COL22A1: variants seen among roughly 807,000 people sequenced by gnomAD.
COL22A1 encodes the protein collagen alpha-1(XXII) chain.
COL22A1 carries 221 observed loss-of-function variants against 248.9 expected under a neutral mutation model. The ratio of observed to expected loss-of-function variants is 0.89; its 90% CI spans 0.80 to 0.99. The LOEUF (loss-of-function observed/expected upper bound fraction) is 0.99. Among genes scored for constraint, COL22A1 ranks in the 50% least tolerant of loss-of-function variants. COL22A1 has a pLI of 0.00. For synonymous variants in COL22A1, 891 were observed against 793.4 expected, an observed-to-expected ratio of 1.12 and a Z score of -2.07; for missense variants, 2,240 against 2,179.0, an observed-to-expected ratio of 1.03 and a Z score of -0.56.
intron 49 of COL22A1, among the ~76,000 whole-genome samples, chr8:138,633,161 G>A (rs562786525): frequency 3.9e-4 from 59 of 152,368 alleles, no homozygotes; most frequent in African/African-American, 1.3e-3. Context: ...ATTTTCTGCT[G>A]TGGAGTTGCT....
At chr8:138,601,000 T>C (rs1281498624) in intron 60 of COL22A1, among the ~76,000 whole-genome samples, 1 of 152,142 alleles carries the variant, frequency 6.6e-6, no homozygotes, top group African/African-American at 2.4e-5. Context: ...GTCTAATGGC[T>C]CCCTGGCAAT....
At chr8:138,651,012 G>A (rs1483781498) in intron 45 of COL22A1, among the ~76,000 whole-genome samples, 1 of 152,176 alleles carries the variant, frequency 6.6e-6, no homozygotes, top group African/African-American at 2.4e-5. Flanking sequence ...AGTCCATGAG[G>A]TGAAGCTGCA....
intron 5 of COL22A1, among the ~76,000 whole-genome samples, chr8:138,827,858 C>T (rs1446450887): frequency 2.6e-5 from 4 of 151,906 alleles, no homozygotes; most frequent in Admixed American, 1.3e-4. Flanking sequence ...CACAGAACCC[C>T]GCCACCCCCA....
chr8:138,889,820 C>T (rs1824922486), intron 1 of COL22A1, among the ~76,000 whole-genome samples: 1 of 152,122 alleles, frequency 6.6e-6, no homozygotes, highest in Admixed American at 6.6e-5. Context: ...TTTTCCCAGG[C>T]TCTAGAAATT....
At chr8:138,604,886 A>G in intron 58 of COL22A1, 117 bp from the exon 59 acceptor site, 1 of 940,972 alleles carries the variant, frequency 1.1e-6, no homozygotes, top group Admixed American at 2.0e-5. Context: ...ACAACAATCG[A>G]TGGTCTACCT....
chr8:138,660,899 A>T (rs200437584), intron 43 of COL22A1, among the ~76,000 whole-genome samples: 1 of 32,098 alleles, frequency 3.1e-5, no homozygotes, highest in Non-Finnish European at 1.1e-4. Context: ...CAGACACACA[A>T]ACACACACAT....
intron 22 of COL22A1, among the ~76,000 whole-genome samples, chr8:138,739,688 T>A (rs77431252): frequency 3.9e-5 from 6 of 152,296 alleles, no homozygotes; most frequent in Admixed American, 1.3e-4. Flanking sequence ...GAATAAATCA[T>A]CCCTTTGAGA....
At chr8:138,689,720 A>G (rs1826671550) in intron 36 of COL22A1, among the ~76,000 whole-genome samples, 1 of 152,186 alleles carries the variant, frequency 6.6e-6, no homozygotes, top group Admixed American at 6.5e-5. Context: ...ACCTCAAAAA[A>G]TAAAAATAAA....
At chr8:138,903,869 C>T (rs972938981) in intron 1 of COL22A1, among the ~76,000 whole-genome samples, 5 of 152,108 alleles carry the variant, frequency 3.3e-5, no homozygotes, top group Admixed American at 6.5e-5. Flanking sequence ...AAGAGGCGCA[C>T]GTCTGCTGGA....
chr8:138,640,856 C>G (rs562230596), intron 47 of COL22A1, among the ~76,000 whole-genome samples: 1 of 152,262 alleles, frequency 6.6e-6, no homozygotes, highest in South Asian at 2.1e-4. Context: ...AATAAATGCC[C>G]AAGTCCTATA....
At chr8:138,751,290 G>A (rs1832578553) in intron 22 of COL22A1, among the ~76,000 whole-genome samples, 168 bp downstream of exon 22, 1 of 152,150 alleles carries the variant, frequency 6.6e-6, no homozygotes, top group Non-Finnish European at 1.5e-5. Context: ...AGAACACATA[G>A]TAGAACCTCA....
intron 10 of COL22A1, among the ~76,000 whole-genome samples, chr8:138,807,134 A>G (rs983233758): frequency 6.6e-6 from 1 of 152,216 alleles, no homozygotes; most frequent in African/African-American, 2.4e-5. Flanking sequence ...ACAGTGACAC[A>G]TAAAGAGAGG....
At position 138,748,066 on chromosome 8, in the gene COL22A1, G is replaced by A. The variant is rs1280920636; in HGVS notation, c.2085+3392C>T. On this transcript the variant is annotated intron_variant, in intron 22 of 64. Coordinates refer to ENST00000303045, the MANE Select transcript of COL22A1 (RefSeq NM_152888.3). ...AGAGGCAGGATGCCTTCTCAAGGGG[G>A]CACTTCCCATATCCAAAACACTGAT... Among the ~76,000 whole-genome samples the A allele has an allele frequency of 2.6e-5, 4 of 152,148 alleles. No homozygotes were observed. In the East Asian group the frequency reaches 7.7e-4, roughly 29 times the overall value.
chr8:138,797,325 A>T (rs1173498072), intron 11 of COL22A1, among the ~76,000 whole-genome samples: 1 of 152,150 alleles, frequency 6.6e-6, no homozygotes, highest in Non-Finnish European at 1.5e-5. Context: ...TCTTCTGTAC[A>T]TTTTTTATAT....
intron 39 of COL22A1, among the ~76,000 whole-genome samples, chr8:138,683,651 T>A (rs1341738818): frequency 6.6e-6 from 1 of 152,126 alleles, no homozygotes; most frequent in African/African-American, 2.4e-5. Flanking sequence ...AAGAATTTGG[T>A]AGAAGATTCT....
intron 12 of COL22A1, among the ~76,000 whole-genome samples, chr8:138,795,932 C>A (rs986782743): frequency 3.9e-5 from 6 of 152,086 alleles, no homozygotes; most frequent in African/African-American, 1.4e-4. Flanking sequence ...AATGTGACCC[C>A]CTCTGAGCGA....
intron 5 of COL22A1, among the ~76,000 whole-genome samples, chr8:138,830,146 T>C (rs886921463): frequency 6.6e-6 from 1 of 152,170 alleles, no homozygotes; most frequent in African/African-American, 2.4e-5. Context: ...GAAGGGTAAA[T>C]GGTGTGTAAT....
At chr8:138,749,342 A>G (rs78634247) in intron 22 of COL22A1, among the ~76,000 whole-genome samples, 2,880 of 152,298 alleles carry the variant, frequency 0.019, 93 homozygotes, top group African/African-American at 0.064. Context: ...AGTAAATTAG[A>G]TAAAGATGTA....
At chr8:138,665,975 T>C (rs1824470702) in intron 41 of COL22A1, among the ~76,000 whole-genome samples, 1 of 151,520 alleles carries the variant, frequency 6.6e-6, no homozygotes. Flanking sequence ...AATAATTGTC[T>C]TTAAGAATCA....
Sources: gnomAD v4.1 joint callset for allele counts (sites outside exome capture counted in the v4.1 genomes callset) on GRCh38, gnomAD v4.1.1 for gene constraint, MANE v1.5 for transcripts, NCBI Gene and HGNC (gene_info 2026-07-23, HGNC 2026-07-21) for gene names.